WDR7: variants seen among roughly 807,000 people sequenced by gnomAD.
WDR7 encodes the protein WD repeat domain 7.
Under a neutral mutation model 169.4 loss-of-function variants are expected in WDR7, and 46 were observed. The observed-to-expected ratio is 0.27, with a 90% CI of 0.21 to 0.35. The LOEUF is 0.35. WDR7 is among the 10% of genes least tolerant of loss of function. The pLI is 1.00. For missense variants in WDR7, 1,534 were observed against 1,859.3 expected (o/e 0.83, Z 3.22); for synonymous variants, 612 against 666.8 (o/e 0.92, Z 1.27).
intron 1 of WDR7, among the ~76,000 whole-genome samples, chr18:56,656,147 T>TG (rs1278869309): frequency 1.3e-5 from 2 of 152,098 alleles, no homozygotes; most frequent in Non-Finnish European, 2.9e-5. Context: ...GTATGGTAAG[T>TG]GTATGTTTAG....
chr18:56,919,969 C>T (rs950058548), intron 21 of WDR7, among the ~76,000 whole-genome samples: 4 of 152,116 alleles, frequency 2.6e-5, no homozygotes, highest in African/African-American at 9.7e-5. Context: ...AATTCCTTAG[C>T]GTGGCATATA....
intron 21 of WDR7, among the ~76,000 whole-genome samples, chr18:56,913,824 A>AGACG (rs1444990745): frequency 3.3e-5 from 5 of 151,262 alleles, no homozygotes; most frequent in Non-Finnish European, 5.9e-5. Context: ...TCCAGAATTC[A>AGACG]GTTATCACTA....
chr18:57,014,275 G>A (rs776801053), intron 26 of WDR7, among the ~76,000 whole-genome samples: 1 of 150,546 alleles, frequency 6.6e-6, no homozygotes, highest in Admixed American at 6.6e-5. Flanking sequence ...GCAGTGAGCC[G>A]AGATCGTGCC....
intron 19 of WDR7, among the ~76,000 whole-genome samples, chr18:56,813,187 A>G (rs2044904100): frequency 3.5e-5 from 5 of 143,198 alleles, no homozygotes; most frequent in Admixed American, 2.0e-4. Flanking sequence ...TAATAAAAAA[A>G]AAAAACATTA....
intron 2 of WDR7, among the ~76,000 whole-genome samples, chr18:56,675,777 G>A (rs144780506): frequency 3.3e-5 from 5 of 151,966 alleles, no homozygotes; most frequent in East Asian, 3.9e-4. Context: ...TCCTATTTTC[G>A]TTCCTAATCT....
intron 20 of WDR7, among the ~76,000 whole-genome samples, chr18:56,838,808 T>C (rs1276041077): frequency 6.6e-6 from 1 of 152,196 alleles, no homozygotes; most frequent in East Asian, 1.9e-4. Flanking sequence ...ATGTTAATCA[T>C]CAACATCATT....
In WDR7 at chr18:56,698,936, A is replaced by G. The variant is rs541762928; in HGVS notation, c.1578+2474A>G. Among the ~76,000 whole-genome samples the G allele has an allele frequency of 2.9e-4, 44 of 152,288 alleles. No homozygotes were observed. The East Asian group carries it at 8.3e-3, about 29-fold the overall frequency. On this transcript the variant is annotated intron_variant, in intron 12 of 27. Transcript: ENST00000254442. ...ACAACTAATGGGTACTGGGCTTAAT[A>G]CTTGGGTGATGCAATAATCTGTACA... is the stretch of plus-strand genomic sequence containing the variant.
chr18:56,771,897 A>C (rs1407859539), intron 16 of WDR7, among the ~76,000 whole-genome samples: 2 of 151,458 alleles, frequency 1.3e-5, no homozygotes, highest in East Asian at 2.0e-4. Flanking sequence ...AAGAAGAAAA[A>C]AAAAATACAG....
At chr18:56,752,865 C>A (rs1009705834) in intron 14 of WDR7, among the ~76,000 whole-genome samples, 42 of 152,218 alleles carry the variant, frequency 2.8e-4, no homozygotes, top group African/African-American at 9.4e-4. Flanking sequence ...ACTTGAGTGG[C>A]AGAAGAGAGA....
chr18:56,975,759 C>G (rs1041643424), intron 26 of WDR7, among the ~76,000 whole-genome samples: 1 of 152,138 alleles, frequency 6.6e-6, no homozygotes, highest in Non-Finnish European at 1.5e-5. Context: ...GAGACTGTGG[C>G]ACACCGGAGG....
chr18:56,816,266 G>A, intron 20 of WDR7, 122 bp downstream of exon 20: 1 of 783,454 alleles, frequency 1.3e-6, no homozygotes, highest in South Asian at 2.1e-5. Context: ...TACTGATGGT[G>A]TATTTAGTTT....
intron 1 of WDR7, among the ~76,000 whole-genome samples, chr18:56,656,948 A>G (rs530355319): frequency 1.3e-5 from 2 of 152,306 alleles, no homozygotes; most frequent in African/African-American, 4.8e-5. Flanking sequence ...TTTTTTAAGT[A>G]GATTAGTGCT....
At chr18:56,693,453 T>A (rs537824628) in intron 9 of WDR7, among the ~76,000 whole-genome samples, 1 of 152,120 alleles carries the variant, frequency 6.6e-6, no homozygotes, top group East Asian at 1.9e-4. Context: ...TTCAAATTGA[T>A]TATGAAAATA....
chr18:57,033,828 A>G, downstream of WDR7: 1 of 152,138 alleles, frequency 6.6e-6, no homozygotes, highest in East Asian at 1.9e-4. Context: ...AACACATCCC[A>G]TGATGGGTCA....
intron 26 of WDR7, among the ~76,000 whole-genome samples, chr18:56,978,551 C>T (rs1346175387): frequency 1.3e-5 from 2 of 152,152 alleles, no homozygotes; most frequent in African/African-American, 2.4e-5. Context: ...TTGCAAAGCC[C>T]AGTCAAGGGA....
Position 56,700,257 on chromosome 18 carries a change from T to C in WDR7, c.1578+3795T>C, listed in dbSNP as rs371961359. On this transcript the variant is annotated intron_variant, in intron 12 of 27. Coordinates refer to ENST00000254442, the MANE Select transcript of WDR7 (RefSeq NM_015285.3). ...TACTGTTTATTTTTCATTTTCTTTT[T>C]TTTTTTTTTTTTTTTTTTGAGATGG... is the stretch of plus-strand genomic sequence containing the variant. Among the ~76,000 whole-genome samples the C allele has an allele frequency of 5.5e-4, 48 of 86,500 alleles. 1 individual carries two copies. Among genetic ancestry groups the C allele is most frequent in the African/African-American group, 1.6e-3 (30 of 18,580 alleles). The allele number at this position is 86,500 out of a possible 152,430, so 56.7% of individuals were successfully genotyped here.
At chr18:56,858,171 A>G (rs1446566650) in intron 20 of WDR7, among the ~76,000 whole-genome samples, 1 of 152,112 alleles carries the variant, frequency 6.6e-6, no homozygotes, top group Admixed American at 6.5e-5. Flanking sequence ...TATTTTTATT[A>G]GCACCATTTG....
chr18:56,863,653 G>A (rs950702821), intron 20 of WDR7, among the ~76,000 whole-genome samples: 17 of 151,658 alleles, frequency 1.1e-4, no homozygotes, highest in African/African-American at 4.1e-4. Flanking sequence ...TTCTAGGAAA[G>A]TAATTTATAT....
intron 26 of WDR7, among the ~76,000 whole-genome samples, chr18:56,994,026 T>C (rs1473390615): frequency 2.0e-5 from 3 of 150,350 alleles, no homozygotes; most frequent in Admixed American, 6.6e-5. Flanking sequence ...CTTTTTTTTT[T>C]TTTTTCTTCT....
Sources: allele counts gnomAD v4.1 joint callset (sites outside exome capture counted in the v4.1 genomes callset), GRCh38; gene constraint gnomAD v4.1.1; transcripts MANE v1.5; gene names NCBI Gene and HGNC (gene_info 2026-07-23, HGNC 2026-07-21).